Variants in FTCDNL1 observed in about 807,000 individuals in gnomAD.
FTCDNL1 encodes the protein formiminotransferase cyclodeaminase N-terminal like.
In FTCDNL1, 11 loss-of-function variants were observed where a neutral mutation model predicts 5.9. The ratio of observed to expected loss-of-function variants is 1.87; its 90% CI spans 1.18 to 3.10. The LOEUF (loss-of-function observed/expected upper bound fraction) is 3.10. Among genes scored for constraint, FTCDNL1 ranks in the 30% most tolerant of loss-of-function variants. The pLI, the probability that FTCDNL1 is intolerant of heterozygous loss-of-function variation, is 0.00. For missense variants in FTCDNL1, 115 were observed against 65.5 expected, an observed-to-expected ratio of 1.76 and a Z score of -2.61; for synonymous variants, 58 against 24.8, an observed-to-expected ratio of 2.34 and a Z score of -3.99.
chr2:199,772,210 G>C (rs1698845916), intron 3 of FTCDNL1, among the ~76,000 whole-genome samples: 1 of 152,206 alleles, frequency 6.6e-6, no homozygotes, highest in Admixed American at 6.5e-5. Context: ...GCAGGACAAA[G>C]CAGGATGGCA....
chr2:199,680,384 T>G, the FTCDNL1 span, among the ~76,000 whole-genome samples: 1 of 152,230 alleles, frequency 6.6e-6, no homozygotes, highest in Non-Finnish European at 1.5e-5. Context: ...TTCAAGTCAG[T>G]TTGAGCATCT....
At chr2:199,672,386 C>T in the FTCDNL1 span, among the ~76,000 whole-genome samples, 1 of 152,126 alleles carries the variant, frequency 6.6e-6, no homozygotes, top group East Asian at 1.9e-4. Flanking sequence ...TTTTGAAAAG[C>T]ATGATGCACT....
At chr2:199,828,351 T>C (rs1574640967) in intron 3 of FTCDNL1, among the ~76,000 whole-genome samples, 1 of 152,352 alleles carries the variant, frequency 6.6e-6, no homozygotes, top group East Asian at 1.9e-4. Flanking sequence ...TTAAAGAAGA[T>C]AATAATTCTG....
At chr2:199,844,497 G>A (rs996241080) in intron 3 of FTCDNL1, 2 of 662,530 alleles carry the variant, frequency 3.0e-6, no homozygotes, top group African/African-American at 3.6e-5. Flanking sequence ...TCGATAGCCT[G>A]GAAGGCCTCT....
chr2:199,760,160 G>T (rs1042302531), downstream of FTCDNL1, among the ~76,000 whole-genome samples: 2 of 151,884 alleles, frequency 1.3e-5, no homozygotes, highest in African/African-American at 4.8e-5. Context: ...GAATTCTGGG[G>T]GTGGAGCGGG....
At chr2:199,827,038 A>T (rs1702079901) in intron 3 of FTCDNL1, among the ~76,000 whole-genome samples, 1 of 152,228 alleles carries the variant, frequency 6.6e-6, no homozygotes, top group South Asian at 2.1e-4. Flanking sequence ...ACTTCACAAC[A>T]TCAAAGGCAG....
chr2:199,831,789 A>C (rs1702388410), intron 3 of FTCDNL1, among the ~76,000 whole-genome samples: 1 of 152,158 alleles, frequency 6.6e-6, no homozygotes, highest in Non-Finnish European at 1.5e-5. Context: ...GAATTAATTA[A>C]TTTTAAAAAA....
chr2:199,670,329 A>G, the FTCDNL1 span, among the ~76,000 whole-genome samples: 1 of 152,154 alleles, frequency 6.6e-6, no homozygotes, highest in Non-Finnish European at 1.5e-5. Context: ...TTAAACTTAA[A>G]TTTATTTCAG....
At chr2:199,820,082 T>G (rs760251112) in intron 3 of FTCDNL1, among the ~76,000 whole-genome samples, 18 of 152,196 alleles carry the variant, frequency 1.2e-4, no homozygotes, top group Non-Finnish European at 2.5e-4. Flanking sequence ...ACAGTGGAAA[T>G]GTATATGTAG....
chr2:199,668,435 T>G, the FTCDNL1 span, among the ~76,000 whole-genome samples: 1 of 152,162 alleles, frequency 6.6e-6, no homozygotes, highest in Non-Finnish European at 1.5e-5. Flanking sequence ...TAGACTTTAA[T>G]GATGCAATCT....
At chr2:199,730,692 A>T in the FTCDNL1 span, among the ~76,000 whole-genome samples, 4 of 152,220 alleles carry the variant, frequency 2.6e-5, no homozygotes, top group Non-Finnish European at 5.9e-5. Context: ...GTCAGGAAAC[A>T]ACAGATGCTG....
intron 1 of FTCDNL1, among the ~76,000 whole-genome samples, chr2:199,849,560 A>C (rs2076820878): frequency 2.0e-5 from 3 of 149,524 alleles, no homozygotes; most frequent in African/African-American, 7.7e-5. Flanking sequence ...ATCAGTTTAA[A>C]GTCTTTTTAC....
At chr2:199,724,749 A>T in the FTCDNL1 span, among the ~76,000 whole-genome samples, 1 of 152,040 alleles carries the variant, frequency 6.6e-6, no homozygotes, top group African/African-American at 2.4e-5. Flanking sequence ...TCTGAGAGAT[A>T]GTTTGTTATG....
chr2:199,808,417 C>A (rs1332307524), downstream of FTCDNL1, among the ~76,000 whole-genome samples: 4 of 152,142 alleles, frequency 2.6e-5, no homozygotes, highest in African/African-American at 9.7e-5. Context: ...GCATAACATA[C>A]AATTTGCCAC....
downstream of FTCDNL1, among the ~76,000 whole-genome samples, chr2:199,804,506 T>C (rs986557862): frequency 1.3e-5 from 2 of 152,206 alleles, no homozygotes; most frequent in African/African-American, 4.8e-5. Context: ...TTGGAAAACC[T>C]GGCCCAATGC....
chr2:199,763,567 C>T (rs559653145), intron 3 of FTCDNL1, among the ~76,000 whole-genome samples: 1 of 152,272 alleles, frequency 6.6e-6, no homozygotes, highest in Non-Finnish European at 1.5e-5. Flanking sequence ...GTGTTTCCTG[C>T]CTGGATCTGC....
At chr2:199,797,418 C>T (rs762768773) in intron 3 of FTCDNL1, among the ~76,000 whole-genome samples, 15 of 152,170 alleles carry the variant, frequency 9.9e-5, no homozygotes, top group Non-Finnish European at 2.1e-4. Context: ...CAAAGTCACA[C>T]ACCCAAAATG....
At chr2:199,764,169 A>C (rs539094159) in intron 3 of FTCDNL1, among the ~76,000 whole-genome samples, 6 of 152,350 alleles carry the variant, frequency 3.9e-5, no homozygotes, top group African/African-American at 1.2e-4. Context: ...AAATATTGTC[A>C]TGGCACGTAC....
chr2:199,798,268 A>G (rs1338052799), intron 3 of FTCDNL1, among the ~76,000 whole-genome samples: 2 of 152,250 alleles, frequency 1.3e-5, no homozygotes, highest in Non-Finnish European at 2.9e-5. Context: ...CTATTGGTAC[A>G]TTAATTTATT....
Sources: allele counts gnomAD v4.1 joint callset (sites outside exome capture counted in the v4.1 genomes callset), GRCh38; gene constraint gnomAD v4.1.1; transcripts MANE v1.5; gene names NCBI Gene and HGNC (gene_info 2026-07-23, HGNC 2026-07-21).